CFAP299: variants seen among roughly 807,000 people sequenced by gnomAD.
The protein encoded by CFAP299 is cilia- and flagella-associated protein 299.
Under a neutral mutation model 27.0 loss-of-function variants are expected in CFAP299, and 21 were observed. The observed-to-expected ratio is 0.78, with a 90% CI of 0.55 to 1.12. CFAP299 has a LOEUF of 1.12. Ranked by LOEUF, CFAP299 falls within the 50% of genes most tolerant of loss-of-function variation. CFAP299 has a pLI of 0.00. For synonymous variants in CFAP299, 104 were observed against 98.1 expected (o/e 1.06, Z -0.36); for missense variants, 310 against 276.6 (o/e 1.12, Z -0.86).
intron 3 of CFAP299, among the ~76,000 whole-genome samples, chr4:80,852,487 A>C (rs1356479727): frequency 1.3e-5 from 2 of 152,198 alleles, no homozygotes; most frequent in African/African-American, 4.8e-5. Context: ...TAATAAGATA[A>C]ATCAAAAAGA....
intron 2 of CFAP299, among the ~76,000 whole-genome samples, chr4:80,403,991 A>G (rs1726290405): frequency 6.6e-6 from 1 of 152,310 alleles, no homozygotes; most frequent in South Asian, 2.1e-4. Flanking sequence ...CAGAATTGAC[A>G]ATGGGGTCCT....
At chr4:80,899,272 A>G (rs570604068) in intron 4 of CFAP299, among the ~76,000 whole-genome samples, 8 of 152,320 alleles carry the variant, frequency 5.3e-5, no homozygotes, top group South Asian at 2.1e-4. Context: ...TGAGTTATCT[A>G]TGAGATGTAG....
chr4:80,821,891 A>AACACACAC (rs3038531), intron 3 of CFAP299, among the ~76,000 whole-genome samples: 1 of 149,118 alleles, frequency 6.7e-6, no homozygotes, highest in African/African-American at 2.5e-5. Context: ...CTCAGTACAC[A>AACACACAC]ACACACACAC....
intron 3 of CFAP299, among the ~76,000 whole-genome samples, chr4:80,600,219 A>G (rs922105368): frequency 3.3e-5 from 5 of 152,110 alleles, no homozygotes; most frequent in Non-Finnish European, 7.4e-5. Context: ...GGCATGCAGA[A>G]CTTTTTCCCA....
intron 3 of CFAP299, among the ~76,000 whole-genome samples, chr4:80,820,639 T>C (rs1444626833): frequency 2.0e-5 from 3 of 152,094 alleles, no homozygotes. Context: ...AAGAGCCATG[T>C]GGTCTGACTC....
At chr4:80,694,405 T>C (rs947037601) in intron 3 of CFAP299, among the ~76,000 whole-genome samples, 37 of 152,302 alleles carry the variant, frequency 2.4e-4, no homozygotes, top group African/African-American at 7.5e-4. Context: ...ACTAGTTAAA[T>C]AGGGTAATGT....
intron 4 of CFAP299, chr4:80,872,447 G>C (rs1210153047): frequency 1.3e-5 from 2 of 151,808 alleles, no homozygotes; most frequent in South Asian, 2.1e-4. Flanking sequence ...TCACTTATTT[G>C]GTTACCTTGA....
intron 2 of CFAP299, among the ~76,000 whole-genome samples, chr4:80,402,390 G>A (rs1284890507): frequency 6.6e-6 from 1 of 152,124 alleles, no homozygotes; most frequent in East Asian, 1.9e-4. Context: ...ATGGGGGCTG[G>A]TCTTTCCCAT....
intron 2 of CFAP299, among the ~76,000 whole-genome samples, chr4:80,497,580 A>C (rs1443817612): frequency 6.6e-6 from 1 of 152,054 alleles, no homozygotes; most frequent in Non-Finnish European, 1.5e-5. Context: ...TTTTGTTACC[A>C]TTTGGGTATT....
In CFAP299 at chr4:80,460,794, T is replaced by C. The variant is rs911278701; in HGVS notation, c.242+97910T>C. On this transcript the variant is annotated intron_variant, in intron 2 of 5. Transcript: ENST00000358105. ...GATTATGTGGATTTGTCCCAAAATC[T>C]ACCACCTTCAACTTGCCAAAGAAAA... 1.3e-4 allele frequency among the ~76,000 whole-genome samples: 20 copies of C among 152,186 alleles called. 1 individual carries two copies. The highest frequency in any genetic ancestry group is 1.2e-4 in the Non-Finnish European group (8 of 68,036).
At chr4:80,642,265 C>T (rs925407291) in intron 3 of CFAP299, among the ~76,000 whole-genome samples, 2 of 152,148 alleles carry the variant, frequency 1.3e-5, no homozygotes, top group East Asian at 3.8e-4. Context: ...GCATTGGCAA[C>T]TGATTAAATT....
intron 2 of CFAP299, among the ~76,000 whole-genome samples, chr4:80,433,369 A>G (rs1426718545): frequency 6.6e-6 from 1 of 152,206 alleles, no homozygotes; most frequent in Non-Finnish European, 1.5e-5. Flanking sequence ...ATCTGTGGTG[A>G]TAGCTTAATT....
Position 80,684,786 on chromosome 4 carries a change from T to C in CFAP299, c.333+101603T>C, listed in dbSNP as rs576528118. 6.0e-5 allele frequency among the ~76,000 whole-genome samples: 9 copies of C among 151,190 alleles called. No homozygotes were observed. In the South Asian group the frequency reaches 1.9e-3, roughly 32 times the overall value. On this transcript the variant is annotated intron_variant, in intron 3 of 5. Coordinates refer to ENST00000358105, the MANE Select transcript of CFAP299 (RefSeq NM_152770.3). ...ATTCACATTACAGTCACTGTCATGCTTTTTTTTTCAGAGTAAATTAATGTA... is the reference window on the plus strand; with the variant it reads ...ATTCACATTACAGTCACTGTCATGCCTTTTTTTTCAGAGTAAATTAATGTA...
intron 2 of CFAP299, among the ~76,000 whole-genome samples, chr4:80,429,656 T>C (rs1398864377): frequency 6.6e-6 from 1 of 152,172 alleles, no homozygotes; most frequent in Non-Finnish European, 1.5e-5. Flanking sequence ...GAGCATGCTA[T>C]GAAATGTTGA....
chr4:80,875,361 C>T (rs535909883), intron 4 of CFAP299, among the ~76,000 whole-genome samples: 33 of 152,224 alleles, frequency 2.2e-4, no homozygotes, highest in African/African-American at 7.5e-4. Flanking sequence ...TTTCTTTAAA[C>T]TTATAAGATC....
intron 2 of CFAP299, among the ~76,000 whole-genome samples, chr4:80,570,476 T>G (rs1735530100): frequency 6.6e-6 from 1 of 151,988 alleles, no homozygotes; most frequent in Non-Finnish European, 1.5e-5. Flanking sequence ...AATGAGCATT[T>G]TGCATGAGAG....
intron 3 of CFAP299, among the ~76,000 whole-genome samples, chr4:80,681,760 A>T (rs1719858761): frequency 6.6e-6 from 1 of 152,238 alleles, no homozygotes; most frequent in Admixed American, 6.5e-5. Flanking sequence ...CTGAGCAGTG[A>T]CTATCAAATA....
chr4:80,402,905 G>C (rs1011500286), intron 2 of CFAP299, among the ~76,000 whole-genome samples: 2 of 152,156 alleles, frequency 1.3e-5, no homozygotes, highest in Non-Finnish European at 2.9e-5. Flanking sequence ...TATTGGGTTT[G>C]AAAAGGATGT....
At chr4:80,679,536 C>T (rs1719695945) in intron 3 of CFAP299, among the ~76,000 whole-genome samples, 2 of 151,878 alleles carry the variant, frequency 1.3e-5, no homozygotes, top group African/African-American at 4.8e-5. Context: ...CACATTGCTA[C>T]CAACAATGTA....
Sources: gnomAD v4.1 joint callset for allele counts (sites outside exome capture counted in the v4.1 genomes callset) on GRCh38, gnomAD v4.1.1 for gene constraint, MANE v1.5 for transcripts, NCBI Gene and HGNC (gene_info 2026-07-23, HGNC 2026-07-21) for gene names.